Variants in GRM8 observed in about 807,000 individuals in gnomAD.
GRM8 encodes metabotropic glutamate receptor 8.
In GRM8, 47 loss-of-function variants were observed where a neutral mutation model predicts 87.2. That is an observed-to-expected ratio of 0.54 (90% CI 0.43 to 0.69). The LOEUF (loss-of-function observed/expected upper bound fraction) is 0.69, where lower values mean the gene tolerates loss of function less well. Among genes scored for constraint, GRM8 ranks in the 30% least tolerant of loss-of-function variants. GRM8 has a pLI of 0.00. For missense variants in GRM8, 1,019 were observed against 1,139.2 expected (o/e 0.89, Z 1.52); for synonymous variants, 396 against 404.5 (o/e 0.98, Z 0.25).
intron 6 of GRM8, among the ~76,000 whole-genome samples, chr7:126,789,818 G>C (rs1821080303): frequency 6.6e-6 from 1 of 152,094 alleles, no homozygotes; most frequent in Non-Finnish European, 1.5e-5. Context: ...TCTATAGAAG[G>C]TTTGCTATAT....
chr7:126,888,282 C>T (rs2131058158), intron 6 of GRM8, among the ~76,000 whole-genome samples: 1 of 152,178 alleles, frequency 6.6e-6, no homozygotes, highest in Middle Eastern at 3.4e-3. Context: ...TGACTAGGGA[C>T]AAAGAAAAGA....
intron 7 of GRM8, among the ~76,000 whole-genome samples, chr7:126,747,753 T>G (rs1459794922): frequency 6.6e-6 from 1 of 151,960 alleles, no homozygotes; most frequent in Non-Finnish European, 1.5e-5. Context: ...ACTTTTTCTT[T>G]CAGTTTTGCT....
intron 3 of GRM8, among the ~76,000 whole-genome samples, chr7:126,946,758 C>G (rs1374995056): frequency 6.6e-6 from 1 of 152,114 alleles, no homozygotes; most frequent in African/African-American, 2.4e-5. Context: ...ATAGTAAATG[C>G]TTATTATGTT....
chr7:126,880,748 T>A (rs897818450), intron 6 of GRM8, among the ~76,000 whole-genome samples: 5 of 152,242 alleles, frequency 3.3e-5, no homozygotes, highest in African/African-American at 1.2e-4. Flanking sequence ...CCAATCACTT[T>A]ACACTGGCTT....
In GRM8 at chr7:127,106,604, C is replaced by G. The variant is rs753159498; in HGVS notation, c.619G>C (p.Val207Leu). ...CATCCCAGTGCTGTCACGATGTCCA[C>G]CATGGCTTGGGCTTGGTAGGAGTCA... Reference protein sequence around the residue: ...PPDSYQAQAMVDIVTALGWNY... With the variant: ...PPDSYQAQAMLDIVTALGWNY... Residue 207 changes from valine to leucine, a missense_variant, in exon 3 of 11, where the codon GTG becomes CTG. Transcript: ENST00000339582. The G allele has an allele frequency of 6.2e-7, 1 of 1,614,080 alleles. No individual in the cohort carries two copies. The highest frequency in any genetic ancestry group is 8.5e-7 in the Non-Finnish European group (1 of 1,179,946).
intron 3 of GRM8, among the ~76,000 whole-genome samples, chr7:126,943,632 C>T (rs1022984641): frequency 3.7e-4 from 57 of 152,198 alleles, no homozygotes; most frequent in African/African-American, 1.3e-3. Context: ...GAAGGAATAG[C>T]TCTTGGGGTG....
intron 7 of GRM8, among the ~76,000 whole-genome samples, chr7:126,734,028 C>T (rs1813912052): frequency 6.6e-6 from 1 of 152,012 alleles, no homozygotes; most frequent in Non-Finnish European, 1.5e-5. Context: ...AATATACCTA[C>T]AATTACCTGA....
chr7:126,874,038 G>C (rs1799330445), intron 6 of GRM8, among the ~76,000 whole-genome samples: 2 of 152,000 alleles, frequency 1.3e-5, no homozygotes, highest in African/African-American at 4.8e-5. Flanking sequence ...TTTTGTTTCT[G>C]AAGAAGTGTT....
In GRM8 at chr7:126,561,248, G is replaced by A. The variant is rs916625567; in HGVS notation, c.1495-27361C>T. Among the ~76,000 whole-genome samples the A allele has an allele frequency of 2.6e-5, 4 of 152,242 alleles. No homozygotes were observed. The South Asian group carries it at 6.2e-4, about 24-fold the overall frequency. On this transcript the variant is annotated intron_variant, in intron 8 of 10. Transcript: ENST00000339582. The stretch of plus-strand genomic sequence containing the variant: ...AGCACTTTGGGAGGCCAAGGTGGGC[G>A]GATCACGAGGTCAGGAGTTTGAGAC...
chr7:126,826,647 T>G (rs977541474), intron 6 of GRM8, among the ~76,000 whole-genome samples: 1 of 152,188 alleles, frequency 6.6e-6, no homozygotes, highest in African/African-American at 2.4e-5. Context: ...TTGCGAAAAT[T>G]TTCTCCCATT....
At chr7:127,213,140 C>T (rs1462793590) in intron 2 of GRM8, among the ~76,000 whole-genome samples, 1 of 152,238 alleles carries the variant, frequency 6.6e-6, no homozygotes, top group East Asian at 1.9e-4. Flanking sequence ...ATTCCTCCCA[C>T]TGTCATGACA....
At chr7:126,677,533 G>A (rs1451087868) in intron 7 of GRM8, among the ~76,000 whole-genome samples, 1 of 152,038 alleles carries the variant, frequency 6.6e-6, no homozygotes, top group Non-Finnish European at 1.5e-5. Context: ...AAAAAATAAT[G>A]AAATAATATC....
chr7:126,465,423 G>A (rs911726605), intron 9 of GRM8: 3 of 150,702 alleles, frequency 2.0e-5, no homozygotes, highest in Non-Finnish European at 3.0e-5. Flanking sequence ...GCTCAATCTC[G>A]GTATTTGATA....
intron 8 of GRM8, among the ~76,000 whole-genome samples, chr7:126,553,082 C>T (rs1266421987): frequency 6.6e-6 from 1 of 152,010 alleles, no homozygotes; most frequent in African/African-American, 2.4e-5. Flanking sequence ...ACCACCAATC[C>T]CTCCTCCTGT....
intron 3 of GRM8, among the ~76,000 whole-genome samples, chr7:126,993,027 T>C (rs761002364): frequency 2.0e-5 from 3 of 152,144 alleles, no homozygotes; most frequent in Non-Finnish European, 2.9e-5. Context: ...TGATATTTTG[T>C]TATGGCATCC....
intron 2 of GRM8, among the ~76,000 whole-genome samples, chr7:127,199,735 C>T (rs938479023): frequency 6.6e-6 from 1 of 152,288 alleles, no homozygotes; most frequent in Non-Finnish European, 1.5e-5. Context: ...AAGCACAAAC[C>T]ATTCTCCCGT....
intron 6 of GRM8, among the ~76,000 whole-genome samples, chr7:126,823,856 T>C (rs1269669105): frequency 6.6e-6 from 1 of 151,968 alleles, no homozygotes; most frequent in East Asian, 1.9e-4. Flanking sequence ...TACACAAGAG[T>C]TGAACAAGCA....
At chr7:127,033,921 T>G (rs1376242381) in intron 3 of GRM8, among the ~76,000 whole-genome samples, 1 of 152,204 alleles carries the variant, frequency 6.6e-6, no homozygotes. Flanking sequence ...CAAATTATGG[T>G]GTCTAAAAGA....
chr7:127,076,270 AC>A (rs754681739), intron 3 of GRM8: 1 of 454,786 alleles, frequency 2.2e-6, no homozygotes, highest in South Asian at 1.6e-5. Context: ...AGGCAAATAG[AC>A]TTTTAATGCT....
Sources: gnomAD v4.1 joint callset for allele counts (sites outside exome capture counted in the v4.1 genomes callset) on GRCh38, gnomAD v4.1.1 for gene constraint, MANE v1.5 for transcripts, NCBI Gene and HGNC (gene_info 2026-07-23, HGNC 2026-07-21) for gene names.